GAREM1: variants seen among roughly 807,000 people sequenced by gnomAD.
The protein encoded by GAREM1 is GRB2 associated regulator of MAPK1 subtype 1.
In GAREM1, 26 loss-of-function variants were observed where a neutral mutation model predicts 71.3. The ratio of observed to expected loss-of-function variants is 0.36; its 90% CI spans 0.27 to 0.51. The LOEUF (loss-of-function observed/expected upper bound fraction) is 0.51, where lower values mean the gene tolerates loss of function less well. Ranked by LOEUF, GAREM1 falls within the 20% of genes least tolerant of loss-of-function variation. GAREM1 has a pLI of 0.95. For missense variants in GAREM1, 1,026 were observed against 1,103.1 expected, an observed-to-expected ratio of 0.93 and a Z score of 0.99; for synonymous variants, 440 against 433.2, an observed-to-expected ratio of 1.02 and a Z score of -0.20.
In GAREM1 at chr18:32,296,111, C is replaced by T. The variant is rs928295027; in HGVS notation, c.394-7908G>A. 5.9e-5 allele frequency among the ~76,000 whole-genome samples: 9 copies of T among 151,892 alleles called. No individual in the cohort carries two copies. In the South Asian group the frequency reaches 1.5e-3, roughly 25 times the overall value. On this transcript the variant is annotated intron_variant, in intron 3 of 5. Transcript: ENST00000269209. ...CCAAGCAGCTGGGACTACAGGCACG[C>T]GGCACCATGCTCAGCTAATTTTTGT...
chr18:32,381,076 C>T (rs982822906), intron 2 of GAREM1, among the ~76,000 whole-genome samples: 1 of 151,788 alleles, frequency 6.6e-6, no homozygotes, highest in Admixed American at 6.6e-5. Flanking sequence ...ACTATCAAAT[C>T]TTTATGGTAT....
At chr18:32,418,598 T>C (rs776708790) in intron 1 of GAREM1, among the ~76,000 whole-genome samples, 51 of 152,242 alleles carry the variant, frequency 3.3e-4, no homozygotes, top group Middle Eastern at 3.4e-3. Flanking sequence ...ATTTAACAAG[T>C]AACCTCTCAA....
intron 1 of GAREM1, among the ~76,000 whole-genome samples, chr18:32,438,998 G>T (rs928125216): frequency 2.0e-5 from 3 of 152,170 alleles, no homozygotes; most frequent in African/African-American, 7.2e-5. Context: ...TGGTGGTAAG[G>T]TGCAGGTGGA....
intron 2 of GAREM1, among the ~76,000 whole-genome samples, chr18:32,390,135 C>G (rs2048182233): frequency 1.3e-5 from 2 of 152,176 alleles, no homozygotes; most frequent in East Asian, 3.9e-4. Context: ...CACACCACTG[C>G]ATTCTGGCCT....
At chr18:32,271,303 C>T (rs1263847552) in intron 4 of GAREM1, among the ~76,000 whole-genome samples, 2 of 152,126 alleles carry the variant, frequency 1.3e-5, no homozygotes, top group African/African-American at 4.8e-5. Context: ...AGCAATTCTC[C>T]TGCCTCAGCC....
At chr18:32,336,941 A>C (rs944874613) in intron 2 of GAREM1, among the ~76,000 whole-genome samples, 43 of 152,344 alleles carry the variant, frequency 2.8e-4, no homozygotes, top group African/African-American at 1.0e-3. Context: ...GTAAAACAGC[A>C]CAATTCCTGG....
intron 2 of GAREM1, among the ~76,000 whole-genome samples, chr18:32,330,734 T>G (rs1371899526): frequency 6.6e-6 from 1 of 152,076 alleles, no homozygotes; most frequent in African/African-American, 2.4e-5. Context: ...TGAAATGGGA[T>G]GAAACAAAAT....
intron 2 of GAREM1, among the ~76,000 whole-genome samples, chr18:32,368,262 G>A (rs1353276688): frequency 6.6e-6 from 1 of 152,164 alleles, no homozygotes; most frequent in Non-Finnish European, 1.5e-5. Context: ...CTTGAGTGTA[G>A]GGCCATGTCC....
chr18:32,447,400 C>T (rs1343900278), intron 1 of GAREM1, among the ~76,000 whole-genome samples: 1 of 152,116 alleles, frequency 6.6e-6, no homozygotes, highest in Non-Finnish European at 1.5e-5. Context: ...ATTAACAAAA[C>T]CATTCGTCAA....
chr18:32,463,024 G>C (rs1205441672), intron 1 of GAREM1, among the ~76,000 whole-genome samples: 1 of 152,000 alleles, frequency 6.6e-6, no homozygotes, highest in Non-Finnish European at 1.5e-5. Context: ...GGTGACTACA[G>C]TCAACAACAG....
intron 3 of GAREM1, among the ~76,000 whole-genome samples, chr18:32,305,048 A>T (rs1393329717): frequency 6.6e-6 from 1 of 152,040 alleles, no homozygotes; most frequent in Non-Finnish European, 1.5e-5. Flanking sequence ...AGCCTATTAC[A>T]GTTAAAAAAA....
rs1370568667 is a variant in GAREM1, at chr18:32,266,138, G to T, written c.*1733C>A. On this transcript the variant is annotated 3_prime_UTR_variant, in exon 6 of 6. Transcript: ENST00000269209. ...GGAGAAAAAAAATGCTTTTTTTTTT[G>T]ATAAAGGAGATCTAAGATGGAAAAT... is the stretch of plus-strand genomic sequence containing the variant. 1 of 148,430 alleles carries T rather than the reference G, an allele frequency of 6.7e-6. No homozygotes were observed. Among genetic ancestry groups the T allele is most frequent in the Non-Finnish European group, 1.5e-5 (1 of 67,094 alleles). 9.2% of individuals were successfully genotyped at this position (148,430 alleles called of 1,614,324 possible).
Position 32,358,928 on chromosome 18 carries a change from G to T in GAREM1, c.262+33967C>A, listed in dbSNP as rs76991806. On this transcript the variant is annotated intron_variant, in intron 2 of 5. Transcript: ENST00000269209. ...AAATTATTAAGAATTTCAAAACGGC[G>T]ACAGCAGAGTATTAAACCAAGTGCT... Among the ~76,000 whole-genome samples, 747 of 152,222 alleles carry T rather than the reference G, an allele frequency of 4.9e-3. 6 individuals carry two copies. Among genetic ancestry groups the T allele is most frequent in the African/African-American group, 0.017 (719 of 41,530 alleles).
chr18:32,463,972 T>C (rs977362872), intron 1 of GAREM1, among the ~76,000 whole-genome samples: 3 of 141,484 alleles, frequency 2.1e-5, no homozygotes, highest in Non-Finnish European at 3.0e-5. Context: ...GTGAAAATAA[T>C]GATGAGTACG....
At position 32,468,790 on chromosome 18, in the gene GAREM1, G is replaced by A. The variant is rs902367905; in HGVS notation, c.121+1518C>T. 2.0e-5 allele frequency among the ~76,000 whole-genome samples: 3 copies of A among 152,138 alleles called. No homozygotes were observed. The East Asian group carries it at 5.8e-4, about 29-fold the overall frequency. ...CAGTGTGCAGAGATGAGAGAAGGTA[G>A]GAAAAGGTAAGGACTCACAATCTGC... On this transcript the variant is annotated intron_variant, in intron 1 of 5. Transcript: ENST00000269209.
At position 32,269,674 on chromosome 18, in the gene GAREM1, T is replaced by A. The variant is rs116652088; in HGVS notation, c.1733+543A>T. Among the ~76,000 whole-genome samples, 509 of 152,296 alleles carry A rather than the reference T, an allele frequency of 3.3e-3. 3 individuals are homozygous for A. The highest frequency in any genetic ancestry group is 0.01 in the African/African-American group (434 of 41,568). ...CAATATAATAAAGGGTGTTTTTTTT[T>A]AAGTATTGGTACTTGCCAACAATGG... On this transcript the variant is annotated intron_variant, in intron 5 of 5. Coordinates refer to ENST00000269209, the MANE Select transcript of GAREM1 (RefSeq NM_001242409.2).
intron 1 of GAREM1, among the ~76,000 whole-genome samples, chr18:32,459,824 A>C (rs2048935314): frequency 6.6e-6 from 1 of 152,132 alleles, no homozygotes; most frequent in Non-Finnish European, 1.5e-5. Flanking sequence ...AGCAATCCAA[A>C]ATGAGAATCA....
In GAREM1 at chr18:32,470,831, A is replaced by T. The variant is rs1249516701; in HGVS notation, c.-403T>A. Among the ~76,000 whole-genome samples, 3 of 150,050 alleles carry T rather than the reference A, an allele frequency of 2.0e-5. No homozygotes were observed. The East Asian group carries it at 5.9e-4, about 29-fold the overall frequency. On this transcript the variant is annotated 5_prime_UTR_variant, in exon 1 of 6. Transcript: ENST00000269209. This position sits in a 1 kb window ranked among gnomAD's most constrained non-coding sequence, Gnocchi z 4.4. ...TCCTTCCCTCCGCCTCGAGCGTGTG[A>T]GGAGGAGCCGCGGGTCTGAGAAACG... is the stretch of plus-strand genomic sequence containing the variant.
intron 1 of GAREM1, among the ~76,000 whole-genome samples, chr18:32,440,673 T>C (rs1414969491): frequency 2.6e-5 from 4 of 152,200 alleles, no homozygotes; most frequent in Non-Finnish European, 4.4e-5. Context: ...TGCATACCCA[T>C]AGAACTTACA....
Sources: gnomAD v4.1 joint callset for allele counts (sites outside exome capture counted in the v4.1 genomes callset) on GRCh38, gnomAD v4.1.1 for gene constraint, Gnocchi (gnomAD v3.1) non-coding constraint, MANE v1.5 for transcripts, NCBI Gene and HGNC (gene_info 2026-07-23, HGNC 2026-07-21) for gene names.